Variants in PHF20L1 observed in about 807,000 individuals in gnomAD.
The protein encoded by PHF20L1 is PHD finger protein 20-like protein 1.
PHF20L1 carries 44 observed loss-of-function variants against 125.5 expected under a neutral mutation model. The ratio of observed to expected loss-of-function variants is 0.35; its 90% CI spans 0.28 to 0.45. PHF20L1 has a LOEUF of 0.45. PHF20L1 is among the 20% of genes least tolerant of loss of function. The pLI is 1.00. For missense variants in PHF20L1, 1,012 were observed against 1,217.2 expected, an observed-to-expected ratio of 0.83 and a Z score of 2.51; for synonymous variants, 380 against 403.1, an observed-to-expected ratio of 0.94 and a Z score of 0.69.
In PHF20L1 at chr8:132,787,682, G is replaced by A. The variant is rs1465673032; in HGVS notation, c.84-6728G>A. Among the ~76,000 whole-genome samples the A allele has an allele frequency of 2.0e-5, 3 of 152,128 alleles. No homozygotes were observed. The East Asian group carries it at 5.8e-4, about 29-fold the overall frequency. Reference sequence around the variant, plus strand: ...GCAAATGAACATGCAGTATCCAAAAGTGCTGAATTTAAAATACTGTAATTG... The same window carrying A: ...GCAAATGAACATGCAGTATCCAAAAATGCTGAATTTAAAATACTGTAATTG... On this transcript the variant is annotated intron_variant, in intron 2 of 20. Coordinates refer to ENST00000395386, the MANE Select transcript of PHF20L1 (RefSeq NM_016018.5).
intron 10 of PHF20L1, 118 bp from the exon 11 acceptor site, chr8:132,816,770 A>G (rs1172306593): frequency 5.7e-6 from 4 of 701,072 alleles, no homozygotes; most frequent in Admixed American, 5.7e-5. Flanking sequence ...CCTTGTGGAT[A>G]TCTTATAACA....
At position 132,836,531 on chromosome 8, in the gene PHF20L1, A is replaced by G. The variant is rs200300344; in HGVS notation, c.1910-9A>G. 46 of 1,554,734 alleles carry G rather than the reference A, an allele frequency of 3.0e-5. No individual in the cohort carries two copies. The East Asian group carries it at 1.0e-3, about 34-fold the overall frequency. On this transcript the variant is annotated splice_polypyrimidine_tract_variant and intron_variant, in intron 15 of 20. Coordinates refer to ENST00000395386, the MANE Select transcript of PHF20L1 (RefSeq NM_016018.5). ...GTTGTTCTAAGTATACTTTTTGTAT[A>G]TATTCTAGACTTATCAGATGTAGAC...
Position 132,799,121 on chromosome 8 carries a change from G to A in PHF20L1, c.456G>A (p.Trp152Ter), listed in dbSNP as rs758654055. 1 of 1,610,328 alleles carries A rather than the reference G, an allele frequency of 6.2e-7. No homozygotes were observed. The change falls in exon 6 of 21, where the codon TGG becomes TGA. Residue 152 changes from tryptophan to a stop codon, truncating the protein, a stop_gained. Coordinates refer to ENST00000395386, the MANE Select transcript of PHF20L1 (RefSeq NM_016018.5). LOFTEE classifies it high-confidence loss of function. ...GQVKSQHPLSWCCPIDPAGSC... is the reference protein window; with the variant it reads ...GQVKSQHPLS ...TGAAATCCCAGCATCCACTAAGCTG[G>A]TGTTGTCCTATCGACCCAGCTGGAT...
Position 132,828,244 on chromosome 8 carries a change from A to G in PHF20L1, c.1744+2873A>G, listed in dbSNP as rs994041160. On this transcript the variant is annotated intron_variant, in intron 14 of 20. Coordinates refer to ENST00000395386, the MANE Select transcript of PHF20L1 (RefSeq NM_016018.5). ...GGTACTTATGTACCCAAAACTAAGC[A>G]TTTTATAAATATTATTACTTCATTT... Among the ~76,000 whole-genome samples, 6 of 152,028 alleles carry G rather than the reference A, an allele frequency of 3.9e-5. No homozygotes were observed. The South Asian group carries it at 6.2e-4, about 16-fold the overall frequency.
chr8:132,845,954 CT>C lies in PHF20L1; in HGVS notation c.*34del. The C allele has an allele frequency of 6.4e-7, 1 of 1,574,464 alleles. No homozygotes were observed. Among genetic ancestry groups the C allele is most frequent in the Non-Finnish European group, 8.7e-7 (1 of 1,149,624 alleles). On this transcript the variant is annotated 3_prime_UTR_variant, in exon 21 of 21. Transcript: ENST00000395386. ...GTGAACACTTAATGAAAGAATGTGG[CT>C]TTCTTCAGTCAAAGCATTTTTATTA...
At chr8:132,781,023 A>AT (rs988040869) in intron 2 of PHF20L1, among the ~76,000 whole-genome samples, 1 of 151,666 alleles carries the variant, frequency 6.6e-6, no homozygotes, top group East Asian at 1.9e-4. Flanking sequence ...TTAAAAAAAA[A>AT]TTTTTTTTGT....
chr8:132,817,559 A>C lies in PHF20L1; in HGVS notation c.1579+14A>C. On this transcript the variant is annotated intron_variant, in intron 12 of 20. Coordinates refer to ENST00000395386, the MANE Select transcript of PHF20L1 (RefSeq NM_016018.5). ...CAGCAGCAGCAGGTAAAAGAAAAAA[A>C]ATAAAGGCTCCTATAAGTAGATAAG... The C allele has an allele frequency of 6.3e-7, 1 of 1,585,240 alleles. No individual in the cohort carries two copies. Among genetic ancestry groups the C allele is most frequent in the Non-Finnish European group, 8.6e-7 (1 of 1,163,194 alleles).
intron 2 of PHF20L1, among the ~76,000 whole-genome samples, chr8:132,793,022 C>A (rs1325640932): frequency 8.8e-6 from 1 of 113,704 alleles, no homozygotes; most frequent in Admixed American, 1.1e-4. Flanking sequence ...TATAAATGTT[C>A]TTCAGCACCC....
intron 9 of PHF20L1, chr8:132,813,058 TAG>T: frequency 2.1e-6 from 2 of 957,972 alleles, no homozygotes; most frequent in Non-Finnish European, 2.5e-6. Flanking sequence ...TTTCCTTGTT[TAG>T]AAGTTAAGCA....
At chr8:132,838,958 G>A (rs1267682450) in intron 17 of PHF20L1, among the ~76,000 whole-genome samples, 1 of 152,116 alleles carries the variant, frequency 6.6e-6, no homozygotes, top group Non-Finnish European at 1.5e-5. Context: ...ATAGGATTCT[G>A]TGAAATCACA....
At chr8:132,800,497 G>T (rs547424474) in intron 6 of PHF20L1, among the ~76,000 whole-genome samples, 4 of 138,932 alleles carry the variant, frequency 2.9e-5, no homozygotes, top group Admixed American at 7.5e-5. Flanking sequence ...TGTTATTTGG[G>T]CAAAGCTAAG....
intron 2 of PHF20L1, among the ~76,000 whole-genome samples, chr8:132,790,244 G>C (rs1211212091): frequency 6.6e-6 from 1 of 152,174 alleles, no homozygotes; most frequent in Non-Finnish European, 1.5e-5. Flanking sequence ...AGAGGCATTT[G>C]TGAATACATT....
chr8:132,800,769 C>A (rs758960051), intron 6 of PHF20L1, among the ~76,000 whole-genome samples: 1 of 151,524 alleles, frequency 6.6e-6, no homozygotes, highest in Admixed American at 6.6e-5. Context: ...ACTGGATAAA[C>A]TTCTGCTTGC....
chr8:132,830,662 C>G (rs1836670028), intron 14 of PHF20L1, among the ~76,000 whole-genome samples: 1 of 152,062 alleles, frequency 6.6e-6, no homozygotes, highest in Non-Finnish European at 1.5e-5. Flanking sequence ...CTCTATCTAC[C>G]ACATCTGCAT....
At chr8:132,827,581 C>T (rs1381554971) in intron 14 of PHF20L1, among the ~76,000 whole-genome samples, 1 of 151,834 alleles carries the variant, frequency 6.6e-6, no homozygotes, top group Non-Finnish European at 1.5e-5. Flanking sequence ...TAAGAAGGGG[C>T]CCACACTTGG....
intron 7 of PHF20L1, among the ~76,000 whole-genome samples, 187 bp downstream of exon 7, chr8:132,804,219 G>T (rs1034966148): frequency 1.3e-5 from 2 of 151,660 alleles, no homozygotes; most frequent in African/African-American, 2.4e-5. Flanking sequence ...GTCTAGTGTG[G>T]GTTACTTGAT....
chr8:132,844,489 T>C (rs1269189842), intron 20 of PHF20L1, among the ~76,000 whole-genome samples, 171 bp downstream of exon 20: 1 of 152,150 alleles, frequency 6.6e-6, no homozygotes, highest in Non-Finnish European at 1.5e-5. Context: ...TCTTTTACGC[T>C]TAAAACAATG....
intron 2 of PHF20L1, among the ~76,000 whole-genome samples, chr8:132,782,332 C>T (rs1283929286): frequency 6.6e-6 from 1 of 152,300 alleles, no homozygotes; most frequent in East Asian, 1.9e-4. Context: ...AGCAGTATTA[C>T]TGGCTTTTAT....
At chr8:132,777,754 T>C in intron 1 of PHF20L1, 38 bp from the exon 2 acceptor site, 1 of 912,828 alleles carries the variant, frequency 1.1e-6, no homozygotes, top group South Asian at 1.3e-5. Flanking sequence ...TCCTATGCAT[T>C]TTCTGCATTG....
Sources: gnomAD v4.1 joint callset for allele counts (sites outside exome capture counted in the v4.1 genomes callset) on GRCh38, gnomAD v4.1.1 for gene constraint, MANE v1.5 for transcripts, NCBI Gene and HGNC (gene_info 2026-07-23, HGNC 2026-07-21) for gene names.